BAZ2B: variants seen among roughly 807,000 people sequenced by gnomAD.
BAZ2B encodes bromodomain adjacent to zinc finger domain protein 2B.
Under a neutral mutation model 246.0 loss-of-function variants are expected in BAZ2B, and 91 were observed. That is an observed-to-expected ratio of 0.37 (90% CI 0.31 to 0.44). BAZ2B has a LOEUF of 0.44. BAZ2B is among the 20% of genes least tolerant of loss of function. BAZ2B has a pLI of 1.00. For missense variants in BAZ2B, 2,332 were observed against 2,533.7 expected (o/e 0.92, Z 1.71); for synonymous variants, 855 against 860.0 (o/e 0.99, Z 0.10).
chr2:159,608,077 T>A (rs1559894603), intron 1 of BAZ2B, among the ~76,000 whole-genome samples: 1 of 152,208 alleles, frequency 6.6e-6, no homozygotes, highest in African/African-American at 2.4e-5. Context: ...TAATACAGTA[T>A]AGAAAAATTC....
the BAZ2B span, among the ~76,000 whole-genome samples, chr2:159,701,480 G>C: frequency 6.6e-6 from 1 of 151,648 alleles, no homozygotes; most frequent in South Asian, 2.1e-4. Flanking sequence ...CATCTGTATG[G>C]ATTGATGGAT....
chr2:159,589,965 T>C (rs923428847), intron 1 of BAZ2B, among the ~76,000 whole-genome samples: 4 of 151,832 alleles, frequency 2.6e-5, no homozygotes, highest in Admixed American at 6.6e-5. Context: ...GGCAGGCAGA[T>C]CATTTGAGAT....
Position 159,453,616 on chromosome 2 carries a change from G to A in BAZ2B, c.331C>T (p.Pro111Ser), listed in dbSNP as rs756565477. ...ACTGTTTGTAACAGATGTTTACCTG[G>A]AAAAGATGCTAGTTGGGGATGTGCG... ...LAAHPQLASF[P>S]GAEWWRTTDA... Residue 111 changes from proline (P) to serine (S), a missense_variant, in exon 4 of 37, where the codon CCA becomes TCA. Physicochemically the swap from Pro to Ser is moderately conservative, Grantham distance 74. This residue lies in a region of BAZ2B where 242 missense variants were observed against 237.4 expected (regional missense o/e 1.02). Coordinates refer to ENST00000392783, the MANE Select transcript of BAZ2B (RefSeq NM_013450.4). 1 of 1,600,346 alleles carries A rather than the reference G, an allele frequency of 6.2e-7. No homozygotes were observed. Among genetic ancestry groups the A allele is most frequent in the Non-Finnish European group, 8.5e-7 (1 of 1,173,202 alleles).
At chr2:159,439,321 G>T in intron 6 of BAZ2B, 109 bp from the exon 7 acceptor site, 1 of 992,992 alleles carries the variant, frequency 1.0e-6, no homozygotes, top group Non-Finnish European at 1.5e-6. Flanking sequence ...ATCTCAAAAT[G>T]TCATTGTAGG....
intron 2 of BAZ2B, among the ~76,000 whole-genome samples, chr2:159,489,565 A>C (rs545256815): frequency 6.6e-6 from 1 of 152,338 alleles, no homozygotes; most frequent in African/African-American, 2.4e-5. Context: ...AGATTCAAGA[A>C]GATGAGCAAA....
At chr2:159,707,285 C>T in the BAZ2B span, among the ~76,000 whole-genome samples, 25 of 152,108 alleles carry the variant, frequency 1.6e-4, no homozygotes, top group African/African-American at 5.8e-4. Context: ...CATCGTGGAT[C>T]GCACCTATAA....
chr2:159,373,974 A>T (rs2061129683), intron 26 of BAZ2B, among the ~76,000 whole-genome samples: 1 of 152,146 alleles, frequency 6.6e-6, no homozygotes. Context: ...TACCATACAC[A>T]GGCATCTCGT....
intron 9 of BAZ2B, among the ~76,000 whole-genome samples, chr2:159,431,492 T>C (rs1003695405): frequency 6.6e-6 from 1 of 152,194 alleles, no homozygotes; most frequent in Non-Finnish European, 1.5e-5. Context: ...ACTGTTCAAA[T>C]GAACAGATTC....
intron 3 of BAZ2B, chr2:159,463,039 T>G: frequency 4.1e-6 from 3 of 732,814 alleles, no homozygotes; most frequent in Non-Finnish European, 7.5e-6. Context: ...AATTATGACC[T>G]GATCTTCACA....
chr2:159,525,094 C>T (rs1012768711), intron 2 of BAZ2B, among the ~76,000 whole-genome samples: 2 of 151,938 alleles, frequency 1.3e-5, no homozygotes, highest in African/African-American at 4.8e-5. Flanking sequence ...ACTCTGAGAG[C>T]AAAATTAACT....
At chr2:159,391,320 T>C (rs2063307380) in intron 20 of BAZ2B, among the ~76,000 whole-genome samples, 1 of 152,160 alleles carries the variant, frequency 6.6e-6, no homozygotes, top group Non-Finnish European at 1.5e-5. Context: ...TAGCAGTCTA[T>C]ATACCATCTA....
chr2:159,678,148 A>G, the BAZ2B span, among the ~76,000 whole-genome samples: 1 of 152,222 alleles, frequency 6.6e-6, no homozygotes, highest in Non-Finnish European at 1.5e-5. Context: ...GTAATGCTAA[A>G]TAATTTAAAA....
intron 14 of BAZ2B, among the ~76,000 whole-genome samples, chr2:159,406,866 T>C (rs1576644400): frequency 2.0e-5 from 3 of 152,036 alleles, no homozygotes; most frequent in African/African-American, 7.2e-5. Flanking sequence ...GCCATTCTCC[T>C]GCCTCAGCCT....
At chr2:159,696,325 G>A in the BAZ2B span, among the ~76,000 whole-genome samples, 17 of 152,204 alleles carry the variant, frequency 1.1e-4, no homozygotes, top group Admixed American at 2.6e-4. Context: ...GCAAGGCAGC[G>A]TGAGATTTGT....
intron 13 of BAZ2B, among the ~76,000 whole-genome samples, chr2:159,421,174 A>AT (rs59654878): frequency 0.028 from 4,091 of 147,212 alleles, 111 homozygotes; most frequent in African/African-American, 0.071. Flanking sequence ...CTTTCTTTAC[A>AT]TTTTTTTTTT....
intron 1 of BAZ2B, among the ~76,000 whole-genome samples, chr2:159,588,213 T>C (rs1445758656): frequency 7.9e-5 from 3 of 37,914 alleles, no homozygotes; most frequent in African/African-American, 1.3e-4. Flanking sequence ...AGACCCTGCA[T>C]CAAAAAAAAA....
intron 2 of BAZ2B, among the ~76,000 whole-genome samples, chr2:159,540,450 A>G (rs927316088): frequency 6.6e-6 from 1 of 152,244 alleles, no homozygotes. Context: ...AATGTGTCTC[A>G]TAAGATCACC....
chr2:159,407,036 G>T lies in BAZ2B; in HGVS notation c.2678-1922C>A, dbSNP rs548732172. ...CCCAAAGTGCTGGGATTACAGGCGT[G>T]AGCCAGCGTGCCCGGCCTGTTGTGT... On this transcript the variant is annotated intron_variant, in intron 14 of 36. Transcript: ENST00000392783. Among the ~76,000 whole-genome samples, 5 of 152,116 alleles carry T rather than the reference G, an allele frequency of 3.3e-5. No homozygotes were observed. The East Asian group carries it at 7.8e-4, about 24-fold the overall frequency.
intron 1 of BAZ2B, among the ~76,000 whole-genome samples, chr2:159,588,764 G>C (rs979133859): frequency 6.6e-6 from 1 of 152,034 alleles, no homozygotes; most frequent in Non-Finnish European, 1.5e-5. Flanking sequence ...GGCTCTTTTT[G>C]ACTTTATTTA....
Sources: gnomAD v4.1 joint callset for allele counts (sites outside exome capture counted in the v4.1 genomes callset) on GRCh38, gnomAD v4.1.1 for gene constraint, gnomAD v4.1.1 regional missense constraint, MANE v1.5 for transcripts, NCBI Gene and HGNC (gene_info 2026-07-23, HGNC 2026-07-21) for gene names.